RGS7: variants seen among roughly 807,000 people sequenced by gnomAD.
The protein encoded by RGS7 is regulator of G protein signaling 7.
A neutral mutation model predicts 81.1 loss-of-function variants in RGS7; 27 were observed. The observed-to-expected ratio is 0.33, with a 90% CI of 0.25 to 0.46. The LOEUF is 0.46. RGS7 is among the 20% of genes least tolerant of loss of function. The pLI is 1.00. For synonymous variants in RGS7, 208 were observed against 207.7 expected (o/e 1.00, Z -0.01); for missense variants, 396 against 607.4 (o/e 0.65, Z 3.66).
intron 2 of RGS7, among the ~76,000 whole-genome samples, chr1:241,106,752 C>CCACCACACACACACACACACACACA (rs1553421291): frequency 8.2e-6 from 1 of 121,682 alleles, no homozygotes; most frequent in African/African-American, 3.3e-5. Context: ...AACACCACCA[C>CCACCACACACACACACACACACACA]CACACACACA....
chr1:241,059,703 C>T (rs908812498), intron 3 of RGS7, among the ~76,000 whole-genome samples: 1 of 152,174 alleles, frequency 6.6e-6, no homozygotes, highest in African/African-American at 2.4e-5. Context: ...GTGTCTCTCT[C>T]TTCACAAAGA....
At chr1:241,219,633 G>A (rs1445209158) in intron 2 of RGS7, among the ~76,000 whole-genome samples, 1 of 152,046 alleles carries the variant, frequency 6.6e-6, no homozygotes, top group Non-Finnish European at 1.5e-5. Flanking sequence ...GTACCAATCA[G>A]GGATCACTTT....
At chr1:241,130,746 G>A (rs2067018929) in intron 2 of RGS7, among the ~76,000 whole-genome samples, 2 of 134,314 alleles carry the variant, frequency 1.5e-5, no homozygotes, top group South Asian at 2.1e-4. Flanking sequence ...ACTTCCCTGA[G>A]CATTGCTTTC....
intron 4 of RGS7, among the ~76,000 whole-genome samples, chr1:240,962,447 A>T (rs12132113): frequency 0.32 from 48,457 of 151,918 alleles, 8,260 homozygotes; most frequent in Middle Eastern, 0.37. Context: ...AGCTCATCTA[A>T]TTTAAAAGGT....
In RGS7 at chr1:240,813,703, A is replaced by C. The variant is rs537711209; in HGVS notation, c.871T>G (p.Leu291Val). The C allele has an allele frequency of 6.2e-6, 10 of 1,612,842 alleles. No individual in the cohort carries two copies. Among genetic ancestry groups the C allele is most frequent in the Admixed American group, 5.0e-5 (3 of 60,022 alleles). ...GGCAAAAGAAACGGGTCGTATTCTA[A>C]ATACTGTTCCGTGTAACTTAGTAGA... ...DSLLSYTEQY[L>V]EYDPFLLPPD... is the part of the protein sequence containing the mutation. Residue 291 changes from leucine to valine, a missense_variant, in exon 13 of 19, where the codon TTA (leucine) becomes GTA (valine). By Grantham distance (32) the Leu-to-Val change is conservative. Transcript: ENST00000440928.
At position 240,827,236 on chromosome 1, in the gene RGS7, C is replaced by G. The variant is rs191298351; in HGVS notation, c.610-64G>C. On this transcript the variant is annotated intron_variant, in intron 9 of 18. Transcript: ENST00000440928. Reference sequence around the variant, plus strand: ...GTGTGAAATTTCTGACCAGGACAATCATGAATGGCTCGCTCTCCAGAGCCC... The same window carrying G: ...GTGTGAAATTTCTGACCAGGACAATGATGAATGGCTCGCTCTCCAGAGCCC... 2,825 of 1,288,770 alleles carry G rather than the reference C, an allele frequency of 2.2e-3. 14 individuals are homozygous for G. The highest frequency in any genetic ancestry group is 2.6e-3 in the Non-Finnish European group (2,271 of 883,844). The allele number at this position is 1,288,770 out of a possible 1,614,324, so 79.8% of individuals were successfully genotyped here. A position where few individuals can be genotyped will look rare whatever the true frequency, so the allele number is the denominator to read the frequency against.
chr1:240,842,787 T>C (rs1658321601), intron 9 of RGS7, among the ~76,000 whole-genome samples: 1 of 152,146 alleles, frequency 6.6e-6, no homozygotes, highest in Non-Finnish European at 1.5e-5. Flanking sequence ...CTTTCTTTCT[T>C]TCTTTTTTGG....
chr1:240,877,174 A>G (rs921995730), intron 6 of RGS7, among the ~76,000 whole-genome samples: 2 of 151,984 alleles, frequency 1.3e-5, no homozygotes, highest in Admixed American at 1.3e-4. Flanking sequence ...TCTACCTAAA[A>G]AGCTGAAATA....
At chr1:241,080,828 C>T (rs964462641) in intron 3 of RGS7, among the ~76,000 whole-genome samples, 3 of 152,198 alleles carry the variant, frequency 2.0e-5, no homozygotes, top group African/African-American at 7.2e-5. Context: ...TGTCTGAAAG[C>T]TTCCTTTTCA....
chr1:241,295,368 A>G (rs7530804), intron 2 of RGS7, among the ~76,000 whole-genome samples: 73,461 of 151,406 alleles, frequency 0.49, 18,018 homozygotes, highest in South Asian at 0.63. Context: ...CAGGAGAATC[A>G]TTTGAACCTG....
intron 2 of RGS7, among the ~76,000 whole-genome samples, chr1:241,108,805 T>C (rs1449586547): frequency 6.6e-6 from 1 of 152,140 alleles, no homozygotes; most frequent in Admixed American, 6.5e-5. Context: ...TGGGAATGAG[T>C]AAGACTCCTG....
At chr1:241,255,572 T>A (rs528615648) in intron 2 of RGS7, among the ~76,000 whole-genome samples, 1 of 151,886 alleles carries the variant, frequency 6.6e-6, no homozygotes, top group Admixed American at 6.6e-5. Flanking sequence ...GTGAGGGGGG[T>A]AAAGAGAAAC....
chr1:240,806,741 G>A (rs71648618), intron 14 of RGS7, among the ~76,000 whole-genome samples: 8,070 of 152,024 alleles, frequency 0.053, 300 homozygotes, highest in Middle Eastern at 0.085. Context: ...AAAGGTGTGG[G>A]ACATGGAGCC....
intron 2 of RGS7, among the ~76,000 whole-genome samples, chr1:241,324,979 T>C (rs1381057206): frequency 6.6e-6 from 1 of 152,246 alleles, no homozygotes; most frequent in Admixed American, 6.5e-5. Context: ...AAGCAGTAGC[T>C]ATATTTTAAA....
intron 3 of RGS7, among the ~76,000 whole-genome samples, chr1:241,038,339 A>G (rs770975243): frequency 6.6e-6 from 1 of 152,200 alleles, no homozygotes; most frequent in Non-Finnish European, 1.5e-5. Context: ...GTAAAAAGAT[A>G]TTTCAGTTGA....
At chr1:241,306,412 C>T (rs572317754) in intron 2 of RGS7, among the ~76,000 whole-genome samples, 7 of 149,940 alleles carry the variant, frequency 4.7e-5, no homozygotes, top group African/African-American at 1.7e-4. Flanking sequence ...CCCTCACATG[C>T]ACACACGTCC....
At chr1:241,309,246 C>T (rs1160443583) in intron 2 of RGS7, among the ~76,000 whole-genome samples, 4 of 151,630 alleles carry the variant, frequency 2.6e-5, no homozygotes, top group East Asian at 1.9e-4. Flanking sequence ...ATTAGCCGGG[C>T]GTGGTGGCAG....
chr1:240,875,109 A>G lies in RGS7; in HGVS notation c.386-4990T>C, dbSNP rs184947281. On this transcript the variant is annotated intron_variant, in intron 6 of 18. Coordinates refer to ENST00000440928, the MANE Select transcript of RGS7 (RefSeq NM_001364886.1). ...TGGCAATTTTCAAGTATTAATGGTA[A>G]CTATCATCATCCCGCTATACAACAG... 1.2e-4 allele frequency among the ~76,000 whole-genome samples: 19 copies of G among 152,284 alleles called. No homozygotes were observed. In the East Asian group the frequency reaches 3.3e-3, roughly 26 times the overall value.
At chr1:240,900,974 TA>T (rs200676023) in intron 6 of RGS7, among the ~76,000 whole-genome samples, 19,430 of 152,080 alleles carry the variant, frequency 0.13, 1,358 homozygotes, top group Middle Eastern at 0.18. Flanking sequence ...TTTGTTTACC[TA>T]CTCAAGCCTC....
Sources: allele counts gnomAD v4.1 joint callset (sites outside exome capture counted in the v4.1 genomes callset), GRCh38; gene constraint gnomAD v4.1.1; transcripts MANE v1.5; gene names NCBI Gene and HGNC (gene_info 2026-07-23, HGNC 2026-07-21).